The following FAM32A variants were observed in gnomAD, a reference collection of about 807,000 sequenced individuals.
FAM32A encodes family with sequence similarity 32 member A.
In FAM32A, 9 loss-of-function variants were observed where a neutral mutation model predicts 15.8. The observed-to-expected ratio is 0.57, with a 90% CI of 0.34 to 1.00. The LOEUF (loss-of-function observed/expected upper bound fraction) is 1.00. FAM32A is among the 50% of genes least tolerant of loss of function. The probability of loss-of-function intolerance (pLI) is 0.02; values close to 1 mark genes in which losing one functional copy is unlikely to be tolerated. For missense variants in FAM32A, 113 were observed against 138.3 expected (o/e 0.82, Z 0.92); for synonymous variants, 64 against 54.9 (o/e 1.16, Z -0.73).
Position 16,191,133 on chromosome 19 carries a change from C to T in FAM32A, c.*178C>T, listed in dbSNP as rs1237751170. 4 of 622,602 alleles carry T rather than the reference C, an allele frequency of 6.4e-6. No homozygotes were observed. The highest frequency in any genetic ancestry group is 3.6e-5 in the African/African-American group (2 of 54,974). The allele number at this position is 622,602 out of a possible 1,614,324, so 38.6% of individuals were successfully genotyped here. A position where few individuals can be genotyped will look rare whatever the true frequency, so the allele number is the denominator to read the frequency against. On this transcript the variant is annotated 3_prime_UTR_variant, in exon 4 of 4. Transcript: ENST00000263384. The stretch of plus-strand genomic sequence containing the variant: ...TGGAACTTGATTAAAGTAAGATCGT[C>T]CTTGTACTCAGTTTAGGCTTCTTGG...
At chr19:16,185,796 G>T in intron 2 of FAM32A, 31 bp downstream of exon 2, 1 of 1,542,062 alleles carries the variant, frequency 6.5e-7, no homozygotes. Flanking sequence ...GCGGGGAGGC[G>T]GGAACACCCG....
intron 2 of FAM32A, chr19:16,186,664 GT>G (rs2091387227): frequency 6.6e-6 from 1 of 150,702 alleles, no homozygotes; most frequent in South Asian, 2.1e-4. Flanking sequence ...CCATAAATGT[GT>G]GCAGTGGAGA....
chr19:16,187,849 G>A (rs1461003279), intron 2 of FAM32A, among the ~76,000 whole-genome samples: 3 of 151,744 alleles, frequency 2.0e-5, no homozygotes, highest in Non-Finnish European at 2.9e-5. Flanking sequence ...GGGTTCAAGC[G>A]ATTCTCCTGC....
chr19:16,187,187 A>G (rs1462341620), intron 2 of FAM32A: 1 of 152,120 alleles, frequency 6.6e-6, no homozygotes, highest in Non-Finnish European at 1.5e-5. Flanking sequence ...AAGTAGCACT[A>G]AAGTCTGCCT....
At chr19:16,189,733 T>C (rs1378770899) in intron 2 of FAM32A, among the ~76,000 whole-genome samples, 1 of 140,088 alleles carries the variant, frequency 7.1e-6, no homozygotes, top group Non-Finnish European at 1.5e-5. Context: ...CTGGAGTGCA[T>C]TGGTGTGATC....
chr19:16,190,537 A>T lies in FAM32A; in HGVS notation c.234A>T (p.Leu78=), dbSNP rs1433550335. The T allele has an allele frequency of 3.1e-6, 5 of 1,612,442 alleles. No homozygotes were observed. The highest frequency in any genetic ancestry group is 4.2e-6 in the Non-Finnish European group (5 of 1,179,058). ...MQEKRQMERI[L]KKASKTHKQR... ...CTCTCCAGCAAATGGAAAGGATCCTAAAGAAGGCATCCAAAACCCACAAGC... is the reference window on the plus strand; with the variant it reads ...CTCTCCAGCAAATGGAAAGGATCCTTAAGAAGGCATCCAAAACCCACAAGC... Residue 78 remains leucine (L), a synonymous_variant, in exon 3 of 4, where the codon CTA becomes CTT. Coordinates refer to ENST00000263384, the MANE Select transcript of FAM32A (RefSeq NM_014077.4).
rs10412228 is a variant in FAM32A, at chr19:16,190,874, T to C, written c.271-13T>C. ...GTCTGCGCTGACACCGGCCTTCTAC[T>C]CCACCTCCCCAGGACTTCAACAGAC... On this transcript the variant is annotated splice_polypyrimidine_tract_variant and intron_variant, in intron 3 of 3. Coordinates refer to ENST00000263384, the MANE Select transcript of FAM32A (RefSeq NM_014077.4). 7.2e-4 allele frequency: 1,167 copies of C among 1,613,176 alleles called. 7 individuals are homozygous for C. In the African/African-American group the frequency reaches 0.014, roughly 20 times the overall value.
chr19:16,190,133 C>T (rs1433167205), intron 2 of FAM32A, among the ~76,000 whole-genome samples: 1 of 152,142 alleles, frequency 6.6e-6, no homozygotes, highest in Non-Finnish European at 1.5e-5. Context: ...GTCACTTGAG[C>T]ACCTGCTCTA....
At chr19:16,185,563 C>T (rs1167333699) in intron 1 of FAM32A, 47 bp downstream of exon 1, 2 of 1,580,252 alleles carry the variant, frequency 1.3e-6, no homozygotes, top group Admixed American at 3.6e-5. Context: ...CCCCTTAGAC[C>T]TTTTCTCGGG....
In FAM32A at chr19:16,191,334, G is replaced by C. The variant is rs2145101100; in HGVS notation, c.*379G>C. 3.4e-6 allele frequency: 1 copy of C among 297,818 alleles called. No individual in the cohort carries two copies. The highest frequency in any genetic ancestry group is 2.2e-5 in the African/African-American group (1 of 45,462). 18.4% of individuals were successfully genotyped at this position (297,818 alleles called of 1,614,324 possible). A position where few individuals can be genotyped will look rare whatever the true frequency, so the allele number is the denominator to read the frequency against. Reference sequence around the variant, plus strand: ...TGAGACAGACTCCAGAGGGTAAGGAGCTAGCGCCATGGTGGCCTGCAGTAT... The same window carrying C: ...TGAGACAGACTCCAGAGGGTAAGGACCTAGCGCCATGGTGGCCTGCAGTAT... On this transcript the variant is annotated 3_prime_UTR_variant, in exon 4 of 4. Transcript: ENST00000263384.
rs1413211565 is a variant in FAM32A, at chr19:16,185,476, C to G, written c.34C>G (p.Leu12Val). The change falls in exon 1 of 4, where the codon CTG becomes GTG. Residue 12 changes from leucine to valine, a missense_variant. Leu to Val is a conservative substitution (Grantham distance 32). This residue lies in a region of FAM32A where 112 missense variants were observed against 118.6 expected (regional missense o/e 0.94). Coordinates refer to ENST00000263384, the MANE Select transcript of FAM32A (RefSeq NM_014077.4). The stretch of plus-strand genomic sequence containing the variant: ...CTACGAGCAGGTCCAAAAGGGACCC[C>G]TGAAGCTGAAAGGCGTCGCAGAGCT... Reference protein sequence around the residue: ...EAYEQVQKGPLKLKGVAELGV... With the variant: ...EAYEQVQKGPVKLKGVAELGV... 2 of 1,563,478 alleles carry G rather than the reference C, an allele frequency of 1.3e-6. No individual in the cohort carries two copies. Among genetic ancestry groups the G allele is most frequent in the East Asian group, 4.8e-5 (2 of 42,032 alleles).
At chr19:16,186,093 C>T (rs2091384898) in intron 2 of FAM32A, among the ~76,000 whole-genome samples, 3 of 152,122 alleles carry the variant, frequency 2.0e-5, no homozygotes, top group Admixed American at 1.3e-4. Context: ...TTCTTATTTC[C>T]GTGCCTCAAG....
intron 2 of FAM32A, 94 bp downstream of exon 2, chr19:16,185,859 G>C: frequency 7.2e-7 from 1 of 1,388,254 alleles, no homozygotes; most frequent in South Asian, 1.4e-5. Flanking sequence ...GAGGGCAGGG[G>C]AGCGGTCAGA....
intron 2 of FAM32A, among the ~76,000 whole-genome samples, chr19:16,189,159 A>G (rs1202796566): frequency 4.0e-5 from 6 of 151,408 alleles, no homozygotes; most frequent in African/African-American, 1.5e-4. Context: ...AGTAGCCGGG[A>G]CTACAGGCGC....
rs372252218 is a variant in FAM32A, at chr19:16,185,677, C to T, written c.128C>T (p.Thr43Met). The T allele has an allele frequency of 1.1e-4, 173 of 1,585,556 alleles. No homozygotes were observed. Among genetic ancestry groups the T allele is most frequent in the Non-Finnish European group, 1.4e-4 (166 of 1,164,956 alleles). ...DKAKLLEAMG[T>M]SKKNEEEKRR... ...GCGAAACTCCTGGAAGCAATGGGAA[C>T]GAGCAAAAAGAACGAGGAGGAGAAG... is the stretch of plus-strand genomic sequence containing the variant. The change falls in exon 2 of 4, where the codon ACG becomes ATG. Residue 43 changes from threonine (T) to methionine (M), a missense_variant. Thr to Met is a moderately conservative substitution (Grantham distance 81, BLOSUM62 -1). This residue lies in a region of FAM32A where 112 missense variants were observed against 118.6 expected (regional missense o/e 0.94). Transcript: ENST00000263384.
At position 16,190,885 on chromosome 19, in the gene FAM32A, A is replaced by G. The variant is rs768229802; in HGVS notation, c.271-2A>G. 5.6e-6 allele frequency: 9 copies of G among 1,613,868 alleles called. No individual in the cohort carries two copies. The highest frequency in any genetic ancestry group is 7.6e-6 in the Non-Finnish European group (9 of 1,179,888). Reference sequence around the variant, plus strand: ...CACCGGCCTTCTACTCCACCTCCCCAGGACTTCAACAGACACCTGGACACA... The same window carrying G: ...CACCGGCCTTCTACTCCACCTCCCCGGGACTTCAACAGACACCTGGACACA... On this transcript the variant is annotated splice_acceptor_variant, in intron 3 of 3. Transcript: ENST00000263384. LOFTEE classifies it high-confidence loss of function.
In FAM32A at chr19:16,191,550, G is replaced by A. The variant is rs1191184927; in HGVS notation, c.*595G>A. ...AGCCACCTAAGGCAAGAATGGAACG[G>A]ACACACCTTGCTCCTTTCTGAGCCC... On this transcript the variant is annotated 3_prime_UTR_variant, in exon 4 of 4. Coordinates refer to ENST00000263384, the MANE Select transcript of FAM32A (RefSeq NM_014077.4). 3 of 154,282 alleles carry A rather than the reference G, an allele frequency of 1.9e-5. No homozygotes were observed. The highest frequency in any genetic ancestry group is 4.8e-5 in the African/African-American group (2 of 41,474). 9.6% of individuals were successfully genotyped at this position (154,282 alleles called of 1,614,324 possible).
Position 16,190,641 on chromosome 19 carries a change from G to A in FAM32A, c.270+68G>A, listed in dbSNP as rs2091402361. 2.4e-6 allele frequency: 3 copies of A among 1,248,900 alleles called. No individual in the cohort carries two copies. In the Admixed American group the frequency reaches 5.2e-5, roughly 22 times the overall value. 77.4% of individuals were successfully genotyped at this position (1,248,900 alleles called of 1,614,324 possible). On this transcript the variant is annotated intron_variant, in intron 3 of 3. Transcript: ENST00000263384. The stretch of plus-strand genomic sequence containing the variant: ...TCCCAGCTGGGCCCAGAGGCTATCA[G>A]CTGGCAGAGGGAGCTGTTGGCATGT...
At chr19:16,188,263 T>C (rs1246699907) in intron 2 of FAM32A, among the ~76,000 whole-genome samples, 1 of 151,932 alleles carries the variant, frequency 6.6e-6, no homozygotes, top group Admixed American at 6.6e-5. Context: ...AGCTGTTGGG[T>C]TGGATGTAAG....
Sources: allele counts gnomAD v4.1 joint callset (sites outside exome capture counted in the v4.1 genomes callset), GRCh38; gene constraint gnomAD v4.1.1; regional missense constraint gnomAD v4.1.1; transcripts MANE v1.5; gene names NCBI Gene and HGNC (gene_info 2026-07-23, HGNC 2026-07-21).